ZMIZ1: variants seen among roughly 807,000 people sequenced by gnomAD.
ZMIZ1 encodes the protein zinc finger MIZ-type containing 1, also known as zinc finger MIZ domain-containing protein 1.
In ZMIZ1, 17 loss-of-function variants were observed where a neutral mutation model predicts 113.9. The ratio of observed to expected loss-of-function variants is 0.15; its 90% CI spans 0.10 to 0.22. The LOEUF is 0.22. ZMIZ1 is among the 10% of genes least tolerant of loss of function. ZMIZ1 has a pLI of 1.00. For missense variants in ZMIZ1, 1,059 were observed against 1,477.8 expected, an observed-to-expected ratio of 0.72 and a Z score of 4.65; for synonymous variants, 607 against 603.1, an observed-to-expected ratio of 1.01 and a Z score of -0.09.
chr10:79,281,080 C>T (rs544968499), intron 8 of ZMIZ1, among the ~76,000 whole-genome samples: 1 of 152,354 alleles, frequency 6.6e-6, no homozygotes, highest in East Asian at 1.9e-4. Flanking sequence ...CAGCTCCCCA[C>T]TAGGGACCAG....
intron 1 of ZMIZ1, among the ~76,000 whole-genome samples, chr10:79,079,464 T>C (rs1842586932): frequency 6.6e-6 from 1 of 152,270 alleles, no homozygotes; most frequent in Non-Finnish European, 1.5e-5. Context: ...GGAACTGTCA[T>C]GCTGCCTTTC....
rs140331834 is a variant in ZMIZ1 at position 79,254,347 on chromosome 10, G to T, written c.281-22834G>T. On this transcript the variant is annotated intron_variant, in intron 7 of 24. Transcript: ENST00000334512. ...AGGGAGTGGACTGAGGTCATTGCCC[G>T]CCATCCCAGGGCCCTGGCTGCCTTT... 2.9e-3 allele frequency among the ~76,000 whole-genome samples: 438 copies of T among 152,350 alleles called. 1 individual carries two copies. Among genetic ancestry groups the T allele is most frequent in the Admixed American group, 6.2e-3 (95 of 15,310 alleles).
intron 7 of ZMIZ1, among the ~76,000 whole-genome samples, chr10:79,269,456 AACACACAC>A (rs55634343): frequency 2.5e-4 from 34 of 138,566 alleles, no homozygotes; most frequent in African/African-American, 7.5e-4. Context: ...ACCTCCCCCC[AACACACAC>A]ACACACACAC....
chr10:79,306,435 G>T, intron 22 of ZMIZ1, 91 bp downstream of exon 22: 4 of 1,540,360 alleles, frequency 2.6e-6, no homozygotes, highest in Non-Finnish European at 3.5e-6. Flanking sequence ...GGTGGCAGGG[G>T]TCGGGGGTGT....
intron 2 of ZMIZ1, among the ~76,000 whole-genome samples, chr10:79,138,154 A>G (rs1845096860): frequency 2.6e-5 from 4 of 152,220 alleles, no homozygotes; most frequent in Admixed American, 2.6e-4. Flanking sequence ...GTGAGGCCCC[A>G]GTGCTGCGGG....
At chr10:79,271,795 G>A (rs1055267853) in intron 7 of ZMIZ1, among the ~76,000 whole-genome samples, 4 of 152,158 alleles carry the variant, frequency 2.6e-5, no homozygotes, top group East Asian at 3.8e-4. Flanking sequence ...TGGGGCTGGC[G>A]CATAGAGAGG....
chr10:79,268,818 G>A (rs987649942), intron 7 of ZMIZ1, among the ~76,000 whole-genome samples: 7 of 152,216 alleles, frequency 4.6e-5, no homozygotes, highest in African/African-American at 1.7e-4. Flanking sequence ...TGACCGCGTT[G>A]CAGAGGGCAG....
chr10:79,116,985 G>A (rs79583242), intron 1 of ZMIZ1, among the ~76,000 whole-genome samples: 6 of 152,196 alleles, frequency 3.9e-5, no homozygotes, highest in Non-Finnish European at 7.3e-5. Context: ...CTCCTGATTC[G>A]CTTGGGCTCA....
In ZMIZ1 at chr10:79,208,440, C is replaced by A; in HGVS notation, c.165C>A (p.Gly55=). 6.2e-7 allele frequency: 1 copy of A among 1,613,400 alleles called. No individual in the cohort carries two copies. The highest frequency in any genetic ancestry group is 1.1e-5 in the South Asian group (1 of 91,078). ...FQRPFEQSLM[G]CLTVVSRVAA... ...GGCCCTTCGAGCAGAGCCTGATGGG[C>A]TGTTTGACGGTGAGTCTGCACCCTG... is the stretch of plus-strand genomic sequence containing the variant. Residue 55 remains glycine (G), a synonymous_variant, in exon 6 of 25, where the codon GGC becomes GGA. Transcript: ENST00000334512.
At chr10:79,221,601 A>C (rs1429233451) in intron 7 of ZMIZ1, among the ~76,000 whole-genome samples, 1 of 150,794 alleles carries the variant, frequency 6.6e-6, no homozygotes, top group Non-Finnish European at 1.5e-5. Flanking sequence ...CTGAAATGTC[A>C]GCCTCCTCAT....
chr10:79,261,178 C>T (rs898470795), intron 7 of ZMIZ1, among the ~76,000 whole-genome samples: 15 of 152,218 alleles, frequency 9.9e-5, no homozygotes, highest in Admixed American at 6.5e-4. Flanking sequence ...GTGGCCCCGC[C>T]GGGTGGTCGG....
chr10:79,256,385 C>T (rs184148099), intron 7 of ZMIZ1, among the ~76,000 whole-genome samples: 10 of 152,290 alleles, frequency 6.6e-5, no homozygotes, highest in East Asian at 5.8e-4. Flanking sequence ...TCTCCCAGCC[C>T]TCGGTGGACT....
At chr10:79,101,448 C>G (rs973721119) in intron 1 of ZMIZ1, among the ~76,000 whole-genome samples, 13 of 152,168 alleles carry the variant, frequency 8.5e-5, no homozygotes, top group Non-Finnish European at 1.5e-4. Context: ...GACTTTGTTC[C>G]TGTCTAGGGG....
At chr10:79,238,732 T>A (rs1461672024) in intron 7 of ZMIZ1, among the ~76,000 whole-genome samples, 1 of 152,220 alleles carries the variant, frequency 6.6e-6, no homozygotes, top group Admixed American at 6.5e-5. Flanking sequence ...GATTGCCAAG[T>A]CATTTAAACC....
chr10:79,150,758 C>T (rs1241656363), intron 3 of ZMIZ1, among the ~76,000 whole-genome samples: 1 of 152,180 alleles, frequency 6.6e-6, no homozygotes, highest in Non-Finnish European at 1.5e-5. Flanking sequence ...CCACCCCTGT[C>T]TGCCTGGAAA....
intron 1 of ZMIZ1, among the ~76,000 whole-genome samples, chr10:79,098,030 C>T (rs1843232037): frequency 6.6e-6 from 1 of 152,198 alleles, no homozygotes. Context: ...TGCCACTGGG[C>T]CCTCGGAGGC....
rs189169499 is a variant in ZMIZ1 at position 79,179,838 on chromosome 10, C to T, written c.-50+17705C>T. ...GGGGCAGAGGAGGGGCTGGCAAGGCCGAGGCAGGTGGGGACCAGGCAGTGG... is the reference window on the plus strand; with the variant it reads ...GGGGCAGAGGAGGGGCTGGCAAGGCTGAGGCAGGTGGGGACCAGGCAGTGG... On this transcript the variant is annotated intron_variant, in intron 4 of 24. Coordinates refer to ENST00000334512, the MANE Select transcript of ZMIZ1 (RefSeq NM_020338.4). Among the ~76,000 whole-genome samples the T allele has an allele frequency of 5.8e-4, 88 of 152,360 alleles. No individual in the cohort carries two copies. In the East Asian group the frequency reaches 8.1e-3, roughly 14 times the overall value.
intron 4 of ZMIZ1, among the ~76,000 whole-genome samples, chr10:79,169,135 C>T (rs1846497457): frequency 1.3e-5 from 2 of 152,198 alleles, no homozygotes; most frequent in South Asian, 4.1e-4. Context: ...GGTGCCACCT[C>T]CATCTGGCCC....
chr10:79,196,132 C>T (rs1030383602), intron 4 of ZMIZ1, among the ~76,000 whole-genome samples: 4 of 152,166 alleles, frequency 2.6e-5, no homozygotes, highest in African/African-American at 7.2e-5. Context: ...GGTTAGTAAC[C>T]GCAGTTCTCC....
Sources: gnomAD v4.1 joint callset for allele counts (sites outside exome capture counted in the v4.1 genomes callset) on GRCh38, gnomAD v4.1.1 for gene constraint, MANE v1.5 for transcripts, NCBI Gene and HGNC (gene_info 2026-07-23, HGNC 2026-07-21) for gene names.